Variants in GRM8 observed in about 807,000 individuals in gnomAD.
The protein encoded by GRM8 is glutamate metabotropic receptor 8.
A neutral mutation model predicts 87.2 loss-of-function variants in GRM8; 47 were observed. That is an observed-to-expected ratio of 0.54 (90% CI 0.43 to 0.69). The LOEUF (loss-of-function observed/expected upper bound fraction) is 0.69. GRM8 is among the 30% of genes least tolerant of loss of function. The pLI is 0.00. For missense variants in GRM8, 1,019 were observed against 1,139.2 expected (o/e 0.89, Z 1.52); for synonymous variants, 396 against 404.5 (o/e 0.98, Z 0.25).
chr7:127,089,586 G>A (rs1441230978), intron 3 of GRM8, among the ~76,000 whole-genome samples: 1 of 152,180 alleles, frequency 6.6e-6, no homozygotes, highest in Non-Finnish European at 1.5e-5. Context: ...CATTCCTGTA[G>A]ACTTCATTTT....
intron 7 of GRM8, among the ~76,000 whole-genome samples, chr7:126,718,515 G>C (rs1213605319): frequency 6.6e-6 from 1 of 152,104 alleles, no homozygotes; most frequent in Non-Finnish European, 1.5e-5. Flanking sequence ...GAGTTGTTTT[G>C]CTGCTGTGTG....
chr7:127,149,188 T>A (rs1414309398), intron 2 of GRM8, among the ~76,000 whole-genome samples: 1 of 150,996 alleles, frequency 6.6e-6, no homozygotes, highest in South Asian at 2.1e-4. Context: ...TGATAAGGAG[T>A]TAATATCTAA....
At chr7:126,464,515 A>G (rs1163075836) in intron 9 of GRM8, among the ~76,000 whole-genome samples, 1 of 151,206 alleles carries the variant, frequency 6.6e-6, no homozygotes, top group Non-Finnish European at 1.5e-5. Flanking sequence ...CCATTTTGTT[A>G]TTTGTTTTCT....
At chr7:126,733,569 T>C (rs900278855) in intron 7 of GRM8, among the ~76,000 whole-genome samples, 6 of 151,490 alleles carry the variant, frequency 4.0e-5, no homozygotes, top group Non-Finnish European at 8.8e-5. Context: ...AATCTAATAT[T>C]ATATTAAAAA....
intron 6 of GRM8, among the ~76,000 whole-genome samples, chr7:126,835,389 A>G (rs1025088593): frequency 6.6e-6 from 1 of 152,206 alleles, no homozygotes; most frequent in Non-Finnish European, 1.5e-5. Context: ...CTTGATACCA[A>G]CTGAAATTGC....
At chr7:127,027,827 T>G (rs1453606274) in intron 3 of GRM8, among the ~76,000 whole-genome samples, 5 of 152,210 alleles carry the variant, frequency 3.3e-5, no homozygotes, top group Non-Finnish European at 7.3e-5. Flanking sequence ...CTTTATTTCT[T>G]TCTCTTGCCT....
At chr7:126,475,741 A>ACT (rs1805821892) in intron 9 of GRM8, among the ~76,000 whole-genome samples, 1 of 152,190 alleles carries the variant, frequency 6.6e-6, no homozygotes, top group African/African-American at 2.4e-5. Flanking sequence ...TAGTAATCAA[A>ACT]ACAGCATGGT....
chr7:126,654,218 T>A (rs1057494325), intron 7 of GRM8, among the ~76,000 whole-genome samples: 2 of 152,218 alleles, frequency 1.3e-5, no homozygotes, highest in African/African-American at 4.8e-5. Flanking sequence ...TCTTTCTGGC[T>A]TATGGTTATA....
At chr7:126,541,243 G>T (rs1471164335) in intron 8 of GRM8, among the ~76,000 whole-genome samples, 2 of 152,182 alleles carry the variant, frequency 1.3e-5, no homozygotes, top group Non-Finnish European at 2.9e-5. Context: ...GCAGACAGCA[G>T]TCTGGAGGTT....
At chr7:126,663,015 C>T (rs978754194) in intron 7 of GRM8, among the ~76,000 whole-genome samples, 3 of 152,198 alleles carry the variant, frequency 2.0e-5, no homozygotes, top group African/African-American at 4.8e-5. Context: ...CACTTATGGG[C>T]GACCACATGT....
intron 7 of GRM8, among the ~76,000 whole-genome samples, chr7:126,742,976 G>A (rs866827871): frequency 1.3e-5 from 2 of 151,880 alleles, no homozygotes; most frequent in East Asian, 1.9e-4. Flanking sequence ...AGGCTGACCC[G>A]CTGTCTGGCA....
At chr7:126,476,043 C>T (rs1805866408) in intron 9 of GRM8, among the ~76,000 whole-genome samples, 1 of 151,980 alleles carries the variant, frequency 6.6e-6, no homozygotes, top group Non-Finnish European at 1.5e-5. Flanking sequence ...TTATGTTGGT[C>T]TTGGCAAAGT....
At chr7:126,470,618 CTT>C (rs1169251179) in intron 9 of GRM8, among the ~76,000 whole-genome samples, 3 of 152,030 alleles carry the variant, frequency 2.0e-5, no homozygotes, top group Non-Finnish European at 2.9e-5. Flanking sequence ...GCTTCCAAGT[CTT>C]TGCTATTGTG....
At chr7:127,246,949 C>T (rs978279542) in intron 1 of GRM8, among the ~76,000 whole-genome samples, 2 of 152,216 alleles carry the variant, frequency 1.3e-5, no homozygotes, top group African/African-American at 2.4e-5. Flanking sequence ...CCACCAAAGT[C>T]ATCTGTCCCA....
At chr7:126,619,952 A>G (rs1799939880) in intron 7 of GRM8, among the ~76,000 whole-genome samples, 1 of 152,202 alleles carries the variant, frequency 6.6e-6, no homozygotes, top group African/African-American at 2.4e-5. Context: ...TGGCCTCCCA[A>G]AATGCCAGAA....
chr7:127,055,202 T>C (rs1016240190), intron 3 of GRM8, among the ~76,000 whole-genome samples: 7 of 28,922 alleles, frequency 2.4e-4, no homozygotes, highest in Non-Finnish European at 4.8e-4. Context: ...GAAGGGAACA[T>C]TTTTTTAAAT....
intron 7 of GRM8, among the ~76,000 whole-genome samples, chr7:126,662,045 A>C (rs960203723): frequency 1.3e-5 from 2 of 152,178 alleles, no homozygotes; most frequent in African/African-American, 4.8e-5. Context: ...GCTCAGTTTT[A>C]ATTTTATAAT....
chr7:127,149,483 C>T (rs549645115), intron 2 of GRM8, among the ~76,000 whole-genome samples: 12 of 152,086 alleles, frequency 7.9e-5, no homozygotes, highest in Admixed American at 2.6e-4. Flanking sequence ...CTGGTATAGC[C>T]ATTATGGAAA....
intron 2 of GRM8, among the ~76,000 whole-genome samples, chr7:127,183,023 C>T (rs2116426170): frequency 6.6e-6 from 1 of 151,850 alleles, no homozygotes; most frequent in Non-Finnish European, 1.5e-5. Flanking sequence ...CCAAATACCA[C>T]CTGTACTCCA....
Sources: allele counts gnomAD v4.1 joint callset (sites outside exome capture counted in the v4.1 genomes callset), GRCh38; gene constraint gnomAD v4.1.1; transcripts MANE v1.5; gene names NCBI Gene and HGNC (gene_info 2026-07-23, HGNC 2026-07-21).